Variants in ASB5 observed in about 807,000 individuals in gnomAD.
The protein encoded by ASB5 is ankyrin repeat and SOCS box containing 5, also known as ankyrin repeat and SOCS box protein 5.
ASB5 carries 45 observed loss-of-function variants against 42.1 expected under a neutral mutation model. The observed-to-expected ratio is 1.07, with a 90% confidence interval of 0.84 to 1.37. ASB5 has a LOEUF of 1.37. ASB5 is among the 40% of genes most tolerant of loss of function. The pLI is 0.00. For missense variants in ASB5, 402 were observed against 399.8 expected (o/e 1.01, Z -0.05); for synonymous variants, 147 against 150.6 (o/e 0.98, Z 0.18).
chr4:176,236,582 T>C (rs550605821), intron 1 of ASB5, among the ~76,000 whole-genome samples: 1 of 152,226 alleles, frequency 6.6e-6, no homozygotes, highest in South Asian at 2.1e-4. Flanking sequence ...TTTAGCCTAT[T>C]TGAAAATATG....
chr4:176,266,358 C>T (rs1754355564), intron 1 of ASB5, among the ~76,000 whole-genome samples: 1 of 151,908 alleles, frequency 6.6e-6, no homozygotes, highest in Non-Finnish European at 1.5e-5. Context: ...GAATGAGAAA[C>T]CCAATTCAAA....
rs28631449 is a variant in ASB5 at position 176,223,519 on chromosome 4, A to G, written c.277-1099T>C. ...GCCTTCTTGATATCTTTGGTATTTC[A>G]TTGTCTATTGACAATCATACTAAGC... On this transcript the variant is annotated intron_variant, in intron 2 of 6. Coordinates refer to ENST00000296525, the MANE Select transcript of ASB5 (RefSeq NM_080874.4). 7.9e-3 allele frequency among the ~76,000 whole-genome samples: 1,198 copies of G among 152,310 alleles called. 19 individuals carry two copies. The highest frequency in any genetic ancestry group is 0.027 in the African/African-American group (1,130 of 41,562).
chr4:176,214,898 T>C lies in ASB5; in HGVS notation c.*702A>G, dbSNP rs1401261389. 6.6e-6 allele frequency: 1 copy of C among 152,112 alleles called. No homozygotes were observed. 9.4% of individuals were successfully genotyped at this position (152,112 alleles called of 1,614,324 possible). On this transcript the variant is annotated 3_prime_UTR_variant, in exon 7 of 7. Transcript: ENST00000296525. ...TCCTGAGAAGGAGGCAGTCTTAACA[T>C]AGCCTTAGAAGGTGTGTAATGTTCT...
rs1238177344 is a variant in ASB5, at chr4:176,214,882, G to A, written c.*718C>T. 1 of 152,124 alleles carries A rather than the reference G, an allele frequency of 6.6e-6. No homozygotes were observed. 9.4% of individuals were successfully genotyped at this position (152,124 alleles called of 1,614,324 possible). A position where few individuals can be genotyped will look rare whatever the true frequency, so the allele number is the denominator to read the frequency against. ...GATCATCAGGGGCTACTCCTGAGAA[G>A]GAGGCAGTCTTAACATAGCCTTAGA... On this transcript the variant is annotated 3_prime_UTR_variant, in exon 7 of 7. Coordinates refer to ENST00000296525, the MANE Select transcript of ASB5 (RefSeq NM_080874.4).
chr4:176,264,162 G>A (rs756448968), intron 1 of ASB5, among the ~76,000 whole-genome samples: 2 of 152,038 alleles, frequency 1.3e-5, no homozygotes, highest in African/African-American at 2.4e-5. Flanking sequence ...AATCTCAACC[G>A]TGAAAGGAGC....
intron 3 of ASB5, 42 bp downstream of exon 3, chr4:176,222,271 G>A (rs373122530): frequency 1.3e-5 from 20 of 1,512,916 alleles, no homozygotes; most frequent in Admixed American, 6.7e-5. Flanking sequence ...GATTCCCTCC[G>A]TCAGTAGATG....
At chr4:176,254,933 C>T (rs1206349439) in intron 1 of ASB5, among the ~76,000 whole-genome samples, 1 of 152,080 alleles carries the variant, frequency 6.6e-6, no homozygotes, top group Non-Finnish European at 1.5e-5. Context: ...CGTTTGAGAC[C>T]AGCCTGACCA....
upstream of ASB5, among the ~76,000 whole-genome samples, chr4:176,272,873 G>A (rs915753741): frequency 4.6e-5 from 7 of 151,388 alleles, no homozygotes; most frequent in Non-Finnish European, 7.4e-5. Context: ...TAAAAATTGC[G>A]TGTTTCTAGT....
chr4:176,271,492 T>G (rs1177758606), upstream of ASB5, among the ~76,000 whole-genome samples: 5 of 152,182 alleles, frequency 3.3e-5, no homozygotes, highest in African/African-American at 1.2e-4. Context: ...TTTTATAATA[T>G]ACCATGTTGA....
At chr4:176,254,180 A>G (rs1330713950) in intron 1 of ASB5, among the ~76,000 whole-genome samples, 1 of 152,232 alleles carries the variant, frequency 6.6e-6, no homozygotes, top group African/African-American at 2.4e-5. Flanking sequence ...CTAAGGCTAC[A>G]GTAACTGAAA....
chr4:176,232,914 C>G (rs1426086319), intron 1 of ASB5, among the ~76,000 whole-genome samples: 2 of 152,176 alleles, frequency 1.3e-5, no homozygotes, highest in African/African-American at 2.4e-5. Context: ...TATTACTGAT[C>G]ACTGGTGCCA....
At chr4:176,234,604 C>T (rs1753637823) in intron 1 of ASB5, among the ~76,000 whole-genome samples, 1 of 152,154 alleles carries the variant, frequency 6.6e-6, no homozygotes. Flanking sequence ...TTACCATATC[C>T]TCAATACCTA....
At position 176,217,021 on chromosome 4, in the gene ASB5, A is replaced by G. The variant is rs144328940; in HGVS notation, c.671-12T>C. On this transcript the variant is annotated splice_polypyrimidine_tract_variant and intron_variant, in intron 5 of 6. Transcript: ENST00000296525. ...CTGTACGTCAGCACCTACATGTAAT[A>G]CGGAGTGAAGATAAATATAAATAAA... The G allele has an allele frequency of 5.0e-5, 79 of 1,569,464 alleles. No individual in the cohort carries two copies. The East Asian group carries it at 1.6e-3, about 33-fold the overall frequency.
intron 1 of ASB5, among the ~76,000 whole-genome samples, chr4:176,252,923 A>G (rs1293431046): frequency 6.6e-6 from 1 of 152,244 alleles, no homozygotes; most frequent in Admixed American, 6.5e-5. Context: ...TACCTTATGT[A>G]GGGCACAGTT....
chr4:176,219,587 T>A (rs1483349413), intron 5 of ASB5, among the ~76,000 whole-genome samples: 2 of 41,566 alleles, frequency 4.8e-5, no homozygotes, highest in African/African-American at 2.3e-4. Flanking sequence ...TATATATATA[T>A]ATATATATAT....
At chr4:176,243,134 G>T (rs7689726) in intron 1 of ASB5, among the ~76,000 whole-genome samples, 48,059 of 152,066 alleles carry the variant, frequency 0.32, 8,460 homozygotes, top group Non-Finnish European at 0.39. Context: ...CAGGAAAAGT[G>T]TGCCAACCTC....
chr4:176,271,921 AC>A (rs1754474946), upstream of ASB5, among the ~76,000 whole-genome samples: 1 of 152,132 alleles, frequency 6.6e-6, no homozygotes, highest in South Asian at 2.1e-4. Context: ...TACGACTCAT[AC>A]ATACAGAGAT....
intron 1 of ASB5, among the ~76,000 whole-genome samples, chr4:176,266,916 T>C (rs1754368199): frequency 6.6e-6 from 1 of 152,200 alleles, no homozygotes; most frequent in Non-Finnish European, 1.5e-5. Flanking sequence ...GTGGAAACCA[T>C]TGCATATATT....
intron 5 of ASB5, among the ~76,000 whole-genome samples, chr4:176,220,767 T>A (rs1370264645): frequency 6.6e-6 from 1 of 152,202 alleles, no homozygotes; most frequent in Admixed American, 6.5e-5. Flanking sequence ...GCAGTTACTA[T>A]CCTGAAAATT....
Sources: gnomAD v4.1 joint callset for allele counts (sites outside exome capture counted in the v4.1 genomes callset) on GRCh38, gnomAD v4.1.1 for gene constraint, MANE v1.5 for transcripts, NCBI Gene and HGNC (gene_info 2026-07-23, HGNC 2026-07-21) for gene names.